Variants in C13orf46 observed in about 807,000 individuals in gnomAD.
C13orf46 encodes the protein uncharacterized protein C13orf46.
At chr13:113,951,934 C>T (rs971859065), downstream of C13orf46, among the ~76,000 whole-genome samples, 15,289 of 152,288 alleles carry the variant, frequency 0.1, 997 homozygotes, top group Middle Eastern at 0.15. Flanking sequence ...CGTAAGACAA[C>T]CTATGCCTCT....
At chr13:113,945,565 GAAAGAA>G in the C13orf46 span, among the ~76,000 whole-genome samples, 17 of 91,206 alleles carry the variant, frequency 1.9e-4, no homozygotes, top group African/African-American at 4.8e-4. Flanking sequence ...AAGAAAGAAA[GAAAGAA>G]AGAAAGAGAG....
chr13:113,945,670 A>AAGAAAG, the C13orf46 span, among the ~76,000 whole-genome samples: 151 of 135,866 alleles, frequency 1.1e-3, 1 homozygote, highest in East Asian at 0.011. Context: ...GAAAGAAAGA[A>AAGAAAG]AGGAAAGAAA....
At chr13:113,932,552 T>C in the C13orf46 span, among the ~76,000 whole-genome samples, 1 of 152,396 alleles carries the variant, frequency 6.6e-6, no homozygotes, top group South Asian at 2.1e-4. Flanking sequence ...TCAAATATTT[T>C]GCCTACTTTT....
the C13orf46 span, among the ~76,000 whole-genome samples, chr13:113,945,626 AAG>A: frequency 6.5e-3 from 845 of 129,740 alleles, 13 homozygotes; most frequent in African/African-American, 0.022. Flanking sequence ...GAAAGAAAGA[AAG>A]AAAGAAAGAA....
At chr13:113,957,081 G>A (rs2052541424) in intron 6 of C13orf46, among the ~76,000 whole-genome samples, 1 of 150,886 alleles carries the variant, frequency 6.6e-6, no homozygotes, top group Non-Finnish European at 1.5e-5. Context: ...ATTTCATCAA[G>A]CACACTGGGG....
At chr13:113,961,282 TTACA>T (rs1157709034) in intron 6 of C13orf46, among the ~76,000 whole-genome samples, 3 of 151,992 alleles carry the variant, frequency 2.0e-5, no homozygotes, top group Non-Finnish European at 4.4e-5. Flanking sequence ...GTTCTAAAAA[TTACA>T]TACATTTATA....
At chr13:113,932,301 T>C in the C13orf46 span, among the ~76,000 whole-genome samples, 2 of 152,218 alleles carry the variant, frequency 1.3e-5, no homozygotes, top group African/African-American at 4.8e-5. Flanking sequence ...TTTTAAGAAA[T>C]GGCCGAACCG....
chr13:113,953,494 C>A (rs927828124), downstream of C13orf46, among the ~76,000 whole-genome samples: 1 of 151,886 alleles, frequency 6.6e-6, no homozygotes, highest in African/African-American at 2.4e-5. Flanking sequence ...GAAGGAGGAA[C>A]AGAATTACCC....
the C13orf46 span, among the ~76,000 whole-genome samples, chr13:113,937,807 A>C: frequency 4.6e-5 from 7 of 152,170 alleles, no homozygotes; most frequent in Non-Finnish European, 1.0e-4. Context: ...CCTTTTACGG[A>C]ATGCACAATT....
At chr13:113,963,717 T>A (rs1364046695) in intron 6 of C13orf46, among the ~76,000 whole-genome samples, 4 of 152,266 alleles carry the variant, frequency 2.6e-5, no homozygotes, top group African/African-American at 9.6e-5. Context: ...GCCACTGTCC[T>A]CAGTGTCGAA....
At chr13:113,957,489 C>G (rs1166569509) in intron 6 of C13orf46, among the ~76,000 whole-genome samples, 1 of 143,092 alleles carries the variant, frequency 7.0e-6, no homozygotes, top group Non-Finnish European at 1.5e-5. Flanking sequence ...GGGGTCTCCC[C>G]TGCACTCCAC....
intron 6 of C13orf46, among the ~76,000 whole-genome samples, chr13:113,963,666 CCT>C (rs2052611028): frequency 2.6e-5 from 4 of 151,896 alleles, no homozygotes; most frequent in South Asian, 2.1e-4. Context: ...CAGCCTTGCC[CCT>C]GTCCTCAGCC....
At chr13:113,939,365 ATG>A in the C13orf46 span, among the ~76,000 whole-genome samples, 1 of 148,580 alleles carries the variant, frequency 6.7e-6, no homozygotes, top group African/African-American at 2.6e-5. Flanking sequence ...GATGGGGAGG[ATG>A]CAGACCACCC....
At chr13:113,930,950 C>A in the C13orf46 span, among the ~76,000 whole-genome samples, 1 of 152,200 alleles carries the variant, frequency 6.6e-6, no homozygotes, top group African/African-American at 2.4e-5. Flanking sequence ...CAGGGCCAGG[C>A]TGGGGCCTCC....
chr13:113,928,940 C>G, the C13orf46 span: 2 of 152,304 alleles, frequency 1.3e-5, no homozygotes, highest in Non-Finnish European at 2.9e-5. Context: ...AGGCGCTGTG[C>G]CTTTGGGAGG....
At chr13:113,970,694 GTCCAGGAAAA>G (rs1486562511) in intron 1 of C13orf46, among the ~76,000 whole-genome samples, 2 of 152,192 alleles carry the variant, frequency 1.3e-5, no homozygotes, top group Non-Finnish European at 2.9e-5. Flanking sequence ...CACTTGGCTT[GTCCAGGAAAA>G]TCCACCAATC....
chr13:113,946,644 G>A, the C13orf46 span, among the ~76,000 whole-genome samples: 282 of 152,368 alleles, frequency 1.9e-3, 2 homozygotes, highest in East Asian at 0.025. Context: ...GGAGCAGAAC[G>A]GGGCCGCAGA....
downstream of C13orf46, among the ~76,000 whole-genome samples, chr13:113,952,448 G>T (rs2052493163): frequency 2.0e-5 from 3 of 152,228 alleles, no homozygotes; most frequent in Admixed American, 2.0e-4. Flanking sequence ...TTCCAAGGGG[G>T]CCACCTCGGA....
At chr13:113,960,480 C>A (rs1477100829) in intron 6 of C13orf46, among the ~76,000 whole-genome samples, 1 of 152,168 alleles carries the variant, frequency 6.6e-6, no homozygotes, top group Admixed American at 6.5e-5. Context: ...GCAGGTCGTG[C>A]GTGGCTGCCT....
Sources: allele counts gnomAD v4.1 joint callset (sites outside exome capture counted in the v4.1 genomes callset), GRCh38; gene constraint gnomAD v4.1.1; transcripts MANE v1.5; gene names NCBI Gene and HGNC (gene_info 2026-07-23, HGNC 2026-07-21).